Variants in CADPS2 observed in about 807,000 individuals in gnomAD.
CADPS2 encodes calcium-dependent secretion activator 2.
In CADPS2, 93 loss-of-function variants were observed where a neutral mutation model predicts 172.5. The observed-to-expected ratio is 0.54, with a 90% confidence interval of 0.46 to 0.64. The LOEUF is 0.64. Among genes scored for constraint, CADPS2 ranks in the 30% least tolerant of loss-of-function variants. CADPS2 has a pLI of 0.00. For missense variants in CADPS2, 1,420 were observed against 1,565.9 expected (o/e 0.91, Z 1.57); for synonymous variants, 546 against 555.2 (o/e 0.98, Z 0.23).
chr7:122,380,313 G>C (rs1239450491), intron 24 of CADPS2, among the ~76,000 whole-genome samples: 2 of 152,080 alleles, frequency 1.3e-5, no homozygotes, highest in South Asian at 2.1e-4. Context: ...CACAGAAAAT[G>C]TGACTTGTAA....
intron 27 of CADPS2, among the ~76,000 whole-genome samples, chr7:122,347,378 T>C (rs2037839025): frequency 6.6e-6 from 1 of 152,172 alleles, no homozygotes; most frequent in Non-Finnish European, 1.5e-5. Context: ...ATGTCTTACT[T>C]ATTCCATTTA....
intron 2 of CADPS2, among the ~76,000 whole-genome samples, chr7:122,734,376 A>AG (rs2091964199): frequency 1.0e-5 from 1 of 95,442 alleles, no homozygotes. Flanking sequence ...AAAAAAAAAA[A>AG]AAAAAAAAAA....
intron 1 of CADPS2, among the ~76,000 whole-genome samples, chr7:122,831,365 T>C (rs1334493632): frequency 6.6e-6 from 1 of 152,218 alleles, no homozygotes; most frequent in African/African-American, 2.4e-5. Flanking sequence ...ATGTCATTTG[T>C]ACCATAAAAA....
intron 2 of CADPS2, among the ~76,000 whole-genome samples, chr7:122,711,482 T>C (rs1404328901): frequency 6.6e-6 from 1 of 151,682 alleles, no homozygotes; most frequent in African/African-American, 2.4e-5. Context: ...ACATCAGGAG[T>C]AATAGTTAAA....
At chr7:122,609,921 A>C (rs940757218) in intron 6 of CADPS2, among the ~76,000 whole-genome samples, 3 of 152,190 alleles carry the variant, frequency 2.0e-5, no homozygotes, top group Admixed American at 2.0e-4. Context: ...CCTGTCATGC[A>C]AGATGAGTTC....
chr7:122,401,356 C>T (rs1400159984), intron 20 of CADPS2, among the ~76,000 whole-genome samples: 1 of 152,182 alleles, frequency 6.6e-6, no homozygotes. Flanking sequence ...CAGTTGGGAA[C>T]CAGTTCCCAA....
intron 28 of CADPS2, among the ~76,000 whole-genome samples, chr7:122,339,449 T>G (rs2036437268): frequency 6.6e-6 from 1 of 152,254 alleles, no homozygotes; most frequent in Non-Finnish European, 1.5e-5. Flanking sequence ...TTATCCATGT[T>G]TTGTTGATTT....
At chr7:122,635,883 T>C (rs369960316) in intron 3 of CADPS2, among the ~76,000 whole-genome samples, 5 of 152,214 alleles carry the variant, frequency 3.3e-5, no homozygotes, top group Admixed American at 1.3e-4. Flanking sequence ...CTGATTGTTA[T>C]TGGTTTCAAA....
chr7:122,417,727 A>G (rs2048093450), intron 17 of CADPS2, among the ~76,000 whole-genome samples: 1 of 152,204 alleles, frequency 6.6e-6, no homozygotes, highest in Non-Finnish European at 1.5e-5. Flanking sequence ...AGGCAAACCT[A>G]TTGGTGATGC....
At chr7:122,412,999 C>T (rs527600381) in intron 19 of CADPS2, 1 of 152,384 alleles carries the variant, frequency 6.6e-6, no homozygotes, top group South Asian at 2.1e-4. Flanking sequence ...AATTGCAAAA[C>T]AGCAATGTGG....
At chr7:122,616,785 C>T (rs1215504953) in intron 5 of CADPS2, among the ~76,000 whole-genome samples, 1 of 152,010 alleles carries the variant, frequency 6.6e-6, no homozygotes. Context: ...GGAAGTTATG[C>T]ATTTTTAATG....
intron 2 of CADPS2, chr7:122,681,237 C>A (rs1011587097): frequency 8.2e-5 from 58 of 711,366 alleles, no homozygotes; most frequent in Non-Finnish European, 1.3e-4. Context: ...ATGTAATGAA[C>A]CTGCACAATG....
chr7:122,547,758 G>T (rs1184052732), intron 8 of CADPS2, among the ~76,000 whole-genome samples: 2 of 152,130 alleles, frequency 1.3e-5, no homozygotes, highest in African/African-American at 4.8e-5. Flanking sequence ...CCAGTTAAAA[G>T]TAGAATTGGA....
intron 2 of CADPS2, among the ~76,000 whole-genome samples, chr7:122,692,218 C>T (rs1228354467): frequency 6.6e-6 from 1 of 152,120 alleles, no homozygotes. Context: ...TTGCTTGACT[C>T]CCGCAACATA....
At chr7:122,352,934 C>T (rs1260881815) in intron 27 of CADPS2, among the ~76,000 whole-genome samples, 8 of 152,234 alleles carry the variant, frequency 5.3e-5, no homozygotes, top group East Asian at 1.9e-4. Flanking sequence ...AAGTAGTGAG[C>T]AGGAACTAGG....
intron 1 of CADPS2, among the ~76,000 whole-genome samples, chr7:122,869,114 G>T (rs2141445715): frequency 6.6e-6 from 1 of 151,956 alleles, no homozygotes; most frequent in East Asian, 1.9e-4. Context: ...AGGGAGAAAA[G>T]AAAAAGGAAT....
chr7:122,529,605 C>T (rs185758775), intron 8 of CADPS2, among the ~76,000 whole-genome samples: 9 of 152,182 alleles, frequency 5.9e-5, no homozygotes, highest in African/African-American at 1.9e-4. Context: ...GGAGGAAAAT[C>T]AGCCTTTGGA....
rs1390141913 is a variant in CADPS2 at position 122,323,873 on chromosome 7, T to TTTTA, written c.3717+1603_3717+1604insTAAA. 1.6e-3 allele frequency among the ~76,000 whole-genome samples: 182 copies of TTTTA among 112,508 alleles called. 2 individuals carry two copies. Among genetic ancestry groups the TTTTA allele is most frequent in the East Asian group, 4.9e-3 (20 of 4,070 alleles). 73.8% of individuals were successfully genotyped at this position (112,508 alleles called of 152,430 possible). A position where few individuals can be genotyped will look rare whatever the true frequency, so the allele number is the denominator to read the frequency against. On this transcript the variant is annotated intron_variant, in intron 29 of 29. Coordinates refer to ENST00000449022, the MANE Select transcript of CADPS2 (RefSeq NM_017954.11). ...TGCATATTATATACATATGTATATT[T>TTTTA]TATATATATATATATATATATATAT...
intron 11 of CADPS2, among the ~76,000 whole-genome samples, chr7:122,488,298 G>T (rs575250947): frequency 9.2e-5 from 14 of 152,278 alleles, no homozygotes; most frequent in African/African-American, 3.1e-4. Context: ...ATACTTTGAT[G>T]CCCAATGCAG....
Sources: gnomAD v4.1 joint callset for allele counts (sites outside exome capture counted in the v4.1 genomes callset) on GRCh38, gnomAD v4.1.1 for gene constraint, MANE v1.5 for transcripts, NCBI Gene and HGNC (gene_info 2026-07-23, HGNC 2026-07-21) for gene names.